The following PIEZO2 variants were observed in gnomAD, a reference collection of about 807,000 sequenced individuals.
PIEZO2 encodes the protein piezo type mechanosensitive ion channel component 2, also known as piezo-type mechanosensitive ion channel component 2.
In PIEZO2, 172 loss-of-function variants were observed where a neutral mutation model predicts 337.3. The observed-to-expected ratio is 0.51, with a 90% CI of 0.45 to 0.58. The LOEUF is 0.58. Ranked by LOEUF, PIEZO2 falls within the 20% of genes least tolerant of loss-of-function variation. PIEZO2 has a pLI of 0.00. For missense variants in PIEZO2, 3,028 were observed against 3,391.3 expected, an observed-to-expected ratio of 0.89 and a Z score of 2.66; for synonymous variants, 1,251 against 1,228.5, an observed-to-expected ratio of 1.02 and a Z score of -0.38.
chr18:10,688,823 C>T (rs570460980), intron 49 of PIEZO2, among the ~76,000 whole-genome samples: 7 of 152,110 alleles, frequency 4.6e-5, no homozygotes, highest in African/African-American at 9.7e-5. Flanking sequence ...AATGTTCCTT[C>T]GATAGAGAGG....
In PIEZO2 at chr18:10,680,202, T is replaced by C; in HGVS notation, c.7949A>G (p.Gln2650Arg). 2 of 1,610,840 alleles carry C rather than the reference T, an allele frequency of 1.2e-6. No homozygotes were observed. The highest frequency in any genetic ancestry group is 1.7e-6 in the Non-Finnish European group (2 of 1,177,510). Residue 2650 changes from glutamine (Q) to arginine (R), a missense_variant, in exon 52 of 56, where the codon CAG becomes CGG. This residue lies in a region of PIEZO2 where 332 missense variants were observed against 363.8 expected (regional missense o/e 0.91). Coordinates refer to ENST00000674853, the MANE Select transcript of PIEZO2 (RefSeq NM_001378183.1). ...TACATGGAAATACAGTAACTACCTC[T>C]GAATACTCCATGAAAAAACAACAGA... Reference protein sequence around the residue: ...SFSVVFSWSIQRNLSLGAKSE... With the variant: ...SFSVVFSWSIRRNLSLGAKSE...
chr18:10,905,094 C>T (rs2043142332), intron 4 of PIEZO2, among the ~76,000 whole-genome samples: 1 of 152,186 alleles, frequency 6.6e-6, no homozygotes, highest in African/African-American at 2.4e-5. Context: ...TTATAAACTA[C>T]TTTGACAAAA....
Position 10,784,844 on chromosome 18 carries a change from C to T in PIEZO2, c.2432G>A (p.Arg811Gln), listed in dbSNP as rs1273445339. The T allele has an allele frequency of 3.9e-6, 6 of 1,537,538 alleles. No individual in the cohort carries two copies. The highest frequency in any genetic ancestry group is 4.9e-5 in the East Asian group (2 of 40,898). Reference sequence around the variant, plus strand: ...CTTGAGGTCTGTGAGTTCAAGGAACCGGTCATGGAAGTAGTGCAGGTGTAA... The same window carrying T: ...CTTGAGGTCTGTGAGTTCAAGGAACTGGTCATGGAAGTAGTGCAGGTGTAA... ...CILHLHYFHD[R>Q]FLELTDLKSI... The change falls in exon 17 of 56, where the codon CGG becomes CAG. Residue 811 changes from arginine (R) to glutamine (Q), a missense_variant. Arg to Gln is a conservative substitution (Grantham distance 43). Coordinates refer to ENST00000674853, the MANE Select transcript of PIEZO2 (RefSeq NM_001378183.1). This position sits in a 1 kb window ranked among gnomAD's most constrained non-coding sequence, Gnocchi z 4.5.
chr18:10,968,476 T>C (rs921860389), intron 3 of PIEZO2, among the ~76,000 whole-genome samples: 2 of 152,190 alleles, frequency 1.3e-5, no homozygotes, highest in African/African-American at 4.8e-5. Flanking sequence ...ATTTTCTAGC[T>C]GTGTGAAGAA....
intron 1 of PIEZO2, among the ~76,000 whole-genome samples, chr18:11,086,474 C>G (rs3960982): frequency 0.16 from 24,500 of 149,286 alleles, 2,275 homozygotes; most frequent in African/African-American, 0.24. Flanking sequence ...AGCCGAGATC[C>G]CGCCACTGCA....
chr18:10,718,059 C>A (rs2143911851), intron 37 of PIEZO2, 141 bp downstream of exon 37: 1 of 735,940 alleles, frequency 1.4e-6, no homozygotes, highest in Non-Finnish European at 2.2e-6. Context: ...AGATGAGATT[C>A]CAAGGGATAC....
intron 1 of PIEZO2, among the ~76,000 whole-genome samples, chr18:11,071,504 G>A (rs1461056772): frequency 6.6e-6 from 1 of 152,234 alleles, no homozygotes; most frequent in Non-Finnish European, 1.5e-5. Context: ...TGACGTTCTG[G>A]TGGGGAGACA....
intron 1 of PIEZO2, among the ~76,000 whole-genome samples, chr18:11,118,780 A>C (rs529562359): frequency 9.1e-4 from 139 of 152,122 alleles, no homozygotes; most frequent in African/African-American, 3.2e-3. Flanking sequence ...AGAGAGAGAG[A>C]GCGACGTAAA....
At position 10,888,573 on chromosome 18, in the gene PIEZO2, G is replaced by A. The variant is rs759220779; in HGVS notation, c.330-17158C>T. 2.0e-5 allele frequency among the ~76,000 whole-genome samples: 3 copies of A among 151,842 alleles called. No individual in the cohort carries two copies. The highest frequency in any genetic ancestry group is 6.6e-5 in the Admixed American group (1 of 15,226). On this transcript the variant is annotated intron_variant, in intron 4 of 55. Transcript: ENST00000674853. This position sits in a 1 kb window ranked among gnomAD's most constrained non-coding sequence, Gnocchi z 4.1. Reference sequence around the variant, plus strand: ...CCTTTGCATATATTTCCACACACACGCATATGCCTTTACAACTATTTCCAT... The same window carrying A: ...CCTTTGCATATATTTCCACACACACACATATGCCTTTACAACTATTTCCAT...
chr18:10,805,824 T>TG (rs991454263), intron 8 of PIEZO2, among the ~76,000 whole-genome samples: 1 of 152,090 alleles, frequency 6.6e-6, no homozygotes, highest in African/African-American at 2.4e-5. Context: ...GCCACTGAGA[T>TG]GGGGGGGAGG....
At chr18:10,961,942 A>G (rs1702006749) in intron 3 of PIEZO2, among the ~76,000 whole-genome samples, 1 of 152,180 alleles carries the variant, frequency 6.6e-6, no homozygotes, top group African/African-American at 2.4e-5. Context: ...TCACAAGCAT[A>G]CGCATCAGCA....
At chr18:10,997,942 G>A (rs2625349) in intron 2 of PIEZO2, among the ~76,000 whole-genome samples, 77,172 of 151,804 alleles carry the variant, frequency 0.51, 19,877 homozygotes, top group African/African-American at 0.57. Context: ...AGTAGGATGA[G>A]CTCAAAGAAA....
chr18:11,137,610 G>A (rs1483757406), intron 1 of PIEZO2, among the ~76,000 whole-genome samples: 3 of 152,174 alleles, frequency 2.0e-5, no homozygotes, highest in Non-Finnish European at 4.4e-5. Flanking sequence ...TTCCCTAGCA[G>A]GGGTCCGTGT....
At chr18:11,019,803 T>C (rs191090041) in intron 2 of PIEZO2, among the ~76,000 whole-genome samples, 4 of 152,350 alleles carry the variant, frequency 2.6e-5, no homozygotes, top group African/African-American at 7.2e-5. Context: ...CTCTATCTCA[T>C]CATCTTGTTT....
At chr18:10,728,188 A>T (rs1000552792) in intron 36 of PIEZO2, 12 of 152,656 alleles carry the variant, frequency 7.9e-5, no homozygotes, top group African/African-American at 2.7e-4. Context: ...TCATCCTTAG[A>T]AAGAAAAATG....
At chr18:10,964,423 T>C (rs1305797274) in intron 3 of PIEZO2, among the ~76,000 whole-genome samples, 1 of 152,202 alleles carries the variant, frequency 6.6e-6, no homozygotes, top group Non-Finnish European at 1.5e-5. Context: ...TAGCAAATAT[T>C]CTACAGAAAT....
intron 5 of PIEZO2, 24 bp downstream of exon 5, chr18:10,871,229 G>A: frequency 6.5e-7 from 1 of 1,529,864 alleles, no homozygotes; most frequent in Non-Finnish European, 8.8e-7. Context: ...ATCAAAGAAG[G>A]AAGAGACATG....
At chr18:11,049,676 A>C (rs549254171) in intron 2 of PIEZO2, among the ~76,000 whole-genome samples, 1 of 152,320 alleles carries the variant, frequency 6.6e-6, no homozygotes, top group African/African-American at 2.4e-5. Flanking sequence ...TTCTCACGGT[A>C]GTAAGTCTCA....
At chr18:10,867,236 C>G (rs562647713) in intron 5 of PIEZO2, among the ~76,000 whole-genome samples, 5 of 152,264 alleles carry the variant, frequency 3.3e-5, no homozygotes, top group Non-Finnish European at 7.4e-5. Flanking sequence ...TAGAACTGAG[C>G]ACATGTTGAA....
Sources: allele counts gnomAD v4.1 joint callset (sites outside exome capture counted in the v4.1 genomes callset), GRCh38; gene constraint gnomAD v4.1.1; regional missense constraint gnomAD v4.1.1; non-coding constraint Gnocchi (gnomAD v3.1); transcripts MANE v1.5; gene names NCBI Gene and HGNC (gene_info 2026-07-23, HGNC 2026-07-21).